Variants in PRR12 observed in about 807,000 individuals in gnomAD.
PRR12 encodes proline rich 12.
PRR12 carries 12 observed loss-of-function variants against 138.0 expected under a neutral mutation model. The ratio of observed to expected loss-of-function variants is 0.09; its 90% confidence interval spans 0.06 to 0.14. The LOEUF (loss-of-function observed/expected upper bound fraction) is 0.14. PRR12 is among the 10% of genes least tolerant of loss of function. The pLI is 1.00. For synonymous variants in PRR12, 1,567 were observed against 1,291.7 expected, an observed-to-expected ratio of 1.21 and a Z score of -4.57; for missense variants, 2,692 against 2,861.3, an observed-to-expected ratio of 0.94 and a Z score of 1.35.
chr19:49,620,511 T>G, intron 10 of PRR12, 34 bp downstream of exon 10: 1 of 1,537,714 alleles, frequency 6.5e-7, no homozygotes, highest in Non-Finnish European at 8.8e-7. Flanking sequence ...GGGGGGGGGC[T>G]GACTCGGTCT....
chr19:49,598,420 G>A (rs2080790346), intron 4 of PRR12, among the ~76,000 whole-genome samples: 1 of 152,076 alleles, frequency 6.6e-6, no homozygotes, highest in Admixed American at 6.6e-5. Flanking sequence ...CCGCACCTTG[G>A]CATTTTTGGG....
chr19:49,598,675 A>G (rs1199582788), intron 4 of PRR12, among the ~76,000 whole-genome samples: 1 of 152,080 alleles, frequency 6.6e-6, no homozygotes, highest in Non-Finnish European at 1.5e-5. Flanking sequence ...ACAAAAATTT[A>G]GCCAGGTGTG....
Position 49,601,931 on chromosome 19 carries a change from C to G in PRR12, c.4773+13C>G, listed in dbSNP as rs753029523. The G allele has an allele frequency of 6.2e-7, 1 of 1,608,184 alleles. No individual in the cohort carries two copies. The highest frequency in any genetic ancestry group is 1.7e-5 in the Admixed American group (1 of 59,480). ...CCCTTCCCTCAAGGTGAGTCCCAGCCTTCTCCAGAAACTGGGCCTGATGGG... is the reference window on the plus strand; with the variant it reads ...CCCTTCCCTCAAGGTGAGTCCCAGCGTTCTCCAGAAACTGGGCCTGATGGG... On this transcript the variant is annotated intron_variant, in intron 6 of 13. Transcript: ENST00000418929.
chr19:49,598,617 C>T (rs1008070419), intron 4 of PRR12, among the ~76,000 whole-genome samples: 4 of 152,040 alleles, frequency 2.6e-5, no homozygotes, highest in South Asian at 2.1e-4. Flanking sequence ...CCCAGATGTT[C>T]GAGACCAGCC....
chr19:49,591,827 G>T, intron 1 of PRR12, 87 bp downstream of exon 1: 1 of 769,480 alleles, frequency 1.3e-6, no homozygotes, highest in Non-Finnish European at 1.8e-6. Context: ...CCCGCCCGGC[G>T]ACGCGTGCAT....
At chr19:49,604,415 C>T (rs1412517909) in intron 6 of PRR12, among the ~76,000 whole-genome samples, 1 of 151,482 alleles carries the variant, frequency 6.6e-6, no homozygotes, top group African/African-American at 2.4e-5. Flanking sequence ...CGGTAGCTCA[C>T]ACCTGTAATT....
Position 49,597,404 on chromosome 19 carries a change from C to T in PRR12, c.3069C>T (p.Asn1023=), listed in dbSNP as rs1015464993. 3.6e-5 allele frequency: 56 copies of T among 1,537,710 alleles called. No homozygotes were observed. Among genetic ancestry groups the T allele is most frequent in the Admixed American group, 7.8e-5 (4 of 50,968 alleles). ...CGCCTGAACTGCCCTCCACGGTCAA[C>T]GCCGAGCCGCTGGGCCTGATCCAGA... ...NKPPELPSTV[N]AEPLGLIQSG... Residue 1023 remains asparagine (N), a synonymous_variant, in exon 4 of 14, where the codon AAC becomes AAT. Coordinates refer to ENST00000418929, the MANE Select transcript of PRR12 (RefSeq NM_020719.3). The surrounding 1 kb of genome is among the most constrained non-coding windows in gnomAD (Gnocchi z 6.3).
intron 8 of PRR12, 93 bp downstream of exon 8, chr19:49,615,102 G>A (rs374994601): frequency 1.2e-5 from 18 of 1,545,738 alleles, no homozygotes; most frequent in East Asian, 2.3e-5. Context: ...AGAGTGGGGG[G>A]TGGGGACAGA....
At position 49,601,482 on chromosome 19, in the gene PRR12, C is replaced by CT. The variant is rs1293681281; in HGVS notation, c.4346-8dup. 4.8e-6 allele frequency: 7 copies of CT among 1,449,694 alleles called. No individual in the cohort carries two copies. In the East Asian group the frequency reaches 1.5e-4, roughly 31 times the overall value. 89.8% of individuals were successfully genotyped at this position (1,449,694 alleles called of 1,614,324 possible). On this transcript the variant is annotated splice_polypyrimidine_tract_variant and intron_variant, in intron 5 of 13. Coordinates refer to ENST00000418929, the MANE Select transcript of PRR12 (RefSeq NM_020719.3). ...TAACATCCAGGCCTGATGTCCCTGT[C>CT]TCCCCCAGAGCCCCCGCTGCTGGAG...
Position 49,601,654 on chromosome 19 carries a change from G to GCCA in PRR12, c.4512_4514dup (p.Pro1507dup). The GCCA allele has an allele frequency of 3.3e-6, 5 of 1,536,800 alleles. No homozygotes were observed. The highest frequency in any genetic ancestry group is 4.4e-6 in the Non-Finnish European group (5 of 1,145,156). ...CACCACCGCCACCGCCGCTGCCGCC[G>GCCA]CCACCTCCACCAGCCATGCCCTCGC... On this transcript the variant is annotated inframe_insertion, in exon 6 of 14. Coordinates refer to ENST00000418929, the MANE Select transcript of PRR12 (RefSeq NM_020719.3).
Position 49,597,825 on chromosome 19 carries a change from C to A in PRR12, c.3490C>A (p.Arg1164Ser). Reference sequence around the variant, plus strand: ...TGGCCGCAAGCCCACGAAGGCGAAACGTGATGGGCCACCCCGGCCACGGGG... The same window carrying A: ...TGGCCGCAAGCCCACGAAGGCGAAAAGTGATGGGCCACCCCGGCCACGGGG... ...RRGRKPTKAK[R>S]DGPPRPRGRP... The change falls in exon 4 of 14, where the codon CGT becomes AGT. Residue 1164 changes from arginine to serine, a missense_variant. By Grantham distance (110) the Arg-to-Ser change is moderately radical. Around this residue, in one of 11 missense-constraint regions of PRR12, gnomAD observed 326 missense variants for 344.2 expected, o/e 0.95. Transcript: ENST00000418929. The surrounding 1 kb of genome is among the most constrained non-coding windows in gnomAD (Gnocchi z 6.3). 6.5e-7 allele frequency: 1 copy of A among 1,527,524 alleles called. No homozygotes were observed. The highest frequency in any genetic ancestry group is 8.8e-7 in the Non-Finnish European group (1 of 1,138,406). 94.6% of individuals were successfully genotyped at this position (1,527,524 alleles called of 1,614,324 possible).
In PRR12 at chr19:49,591,391, T is replaced by G. The variant is rs1244419388; in HGVS notation, c.-264T>G. Among the ~76,000 whole-genome samples, 1 of 143,848 alleles carries G rather than the reference T, an allele frequency of 7.0e-6. No homozygotes were observed. The highest frequency in any genetic ancestry group is 1.5e-5 in the Non-Finnish European group (1 of 65,418). 94.4% of individuals were successfully genotyped at this position (143,848 alleles called of 152,430 possible). A position where few individuals can be genotyped will look rare whatever the true frequency, so the allele number is the denominator to read the frequency against. ...GACAGCGGGGTCCCTCCTCCCCCCT[T>G]CCCTCCTCTAGGGGGAACCCCCCTT... On this transcript the variant is annotated 5_prime_UTR_variant, in exon 1 of 14. Coordinates refer to ENST00000418929, the MANE Select transcript of PRR12 (RefSeq NM_020719.3).
intron 6 of PRR12, among the ~76,000 whole-genome samples, chr19:49,608,349 T>A (rs1176551939): frequency 6.6e-6 from 1 of 151,956 alleles, no homozygotes; most frequent in East Asian, 1.9e-4. Context: ...TTTTTTAAAA[T>A]TTTTTATTTT....
Position 49,591,744 on chromosome 19 carries a change from A to G in PRR12, c.86+4A>G. The G allele has an allele frequency of 6.8e-7, 1 of 1,481,366 alleles. No homozygotes were observed. The highest frequency in any genetic ancestry group is 1.3e-5 in the South Asian group (1 of 76,564). 91.8% of individuals were successfully genotyped at this position (1,481,366 alleles called of 1,614,324 possible). ...ACGAGAGGTCAGCGAAAGCTAGGTA[A>G]GGAGCTGAGGGTGGCCTAGAGAAGG... is the stretch of plus-strand genomic sequence containing the variant. On this transcript the variant is annotated splice_donor_region_variant and intron_variant, in intron 1 of 13. Coordinates refer to ENST00000418929, the MANE Select transcript of PRR12 (RefSeq NM_020719.3).
chr19:49,591,388 C>A lies in PRR12; in HGVS notation c.-267C>A, dbSNP rs957533425. Among the ~76,000 whole-genome samples, 1 of 149,336 alleles carries A rather than the reference C, an allele frequency of 6.7e-6. No homozygotes were observed. The highest frequency in any genetic ancestry group is 1.5e-5 in the Non-Finnish European group (1 of 66,856). On this transcript the variant is annotated 5_prime_UTR_variant, in exon 1 of 14. Transcript: ENST00000418929. ...GGAGACAGCGGGGTCCCTCCTCCCC[C>A]CTTCCCTCCTCTAGGGGGAACCCCC... is the stretch of plus-strand genomic sequence containing the variant.
At chr19:49,609,201 G>C (rs192489130) in intron 6 of PRR12, among the ~76,000 whole-genome samples, 182 of 152,238 alleles carry the variant, frequency 1.2e-3, no homozygotes, top group African/African-American at 3.9e-3. Flanking sequence ...TATATTCCCA[G>C]CTACCCTAGA....
intron 4 of PRR12, among the ~76,000 whole-genome samples, chr19:49,598,276 G>A (rs2122305514): frequency 6.6e-6 from 1 of 151,728 alleles, no homozygotes; most frequent in South Asian, 2.1e-4. Flanking sequence ...GGGTTTCACC[G>A]TATTAGTCAG....
Position 49,597,367 on chromosome 19 carries a change from A to G in PRR12, c.3032A>G (p.Asp1011Gly). ...AGPETPGLGL[D>G]PNKPPELPST... ...CCCGAGACACCGGGCCTGGGCCTGG[A>G]CCCCAACAAACCGCCTGAACTGCCC... Residue 1011 changes from aspartate to glycine, a missense_variant, in exon 4 of 14, where the codon GAC becomes GGC. By Grantham distance (94) the Asp-to-Gly change is moderately conservative. This residue lies in a region of PRR12 where 840 missense variants were observed against 689.8 expected (regional missense o/e 1.22). Transcript: ENST00000418929. The surrounding 1 kb of genome is among the most constrained non-coding windows in gnomAD (Gnocchi z 6.3). 1 of 1,537,902 alleles carries G rather than the reference A, an allele frequency of 6.5e-7. No homozygotes were observed. Among genetic ancestry groups the G allele is most frequent in the Non-Finnish European group, 8.7e-7 (1 of 1,146,604 alleles).
Position 49,625,626 on chromosome 19 carries a change from G to C in PRR12, c.*19G>C. On this transcript the variant is annotated 3_prime_UTR_variant, in exon 14 of 14. Coordinates refer to ENST00000418929, the MANE Select transcript of PRR12 (RefSeq NM_020719.3). This position sits in a 1 kb window ranked among gnomAD's most constrained non-coding sequence, Gnocchi z 5.5. ...CGGGTGACCCCGCCCCAGCTTGTGA[G>C]GGGGGCGCCTCCTCCATGAACCGAG... is the stretch of plus-strand genomic sequence containing the variant. 6.3e-7 allele frequency: 1 copy of C among 1,583,182 alleles called. No individual in the cohort carries two copies. Among genetic ancestry groups the C allele is most frequent in the Non-Finnish European group, 8.6e-7 (1 of 1,163,640 alleles).
Sources: allele counts gnomAD v4.1 joint callset (sites outside exome capture counted in the v4.1 genomes callset), GRCh38; gene constraint gnomAD v4.1.1; regional missense constraint gnomAD v4.1.1; non-coding constraint Gnocchi (gnomAD v3.1); transcripts MANE v1.5; gene names NCBI Gene and HGNC (gene_info 2026-07-23, HGNC 2026-07-21).